AHCYL1: variants seen among roughly 807,000 people sequenced by gnomAD.
AHCYL1 encodes S-adenosylhomocysteine hydrolase-like protein 1.
A neutral mutation model predicts 79.3 loss-of-function variants in AHCYL1; 20 were observed. The observed-to-expected ratio is 0.25, with a 90% CI of 0.18 to 0.37. The LOEUF (loss-of-function observed/expected upper bound fraction) is 0.37, where lower values mean the gene tolerates loss of function less well. Among genes scored for constraint, AHCYL1 ranks in the 10% least tolerant of loss-of-function variants. The pLI is 1.00. For missense variants in AHCYL1, 330 were observed against 673.6 expected, an observed-to-expected ratio of 0.49 and a Z score of 5.65; for synonymous variants, 223 against 242.2, an observed-to-expected ratio of 0.92 and a Z score of 0.74.
At chr1:110,021,262 AAAAC>A (rs1217015426) in intron 16 of AHCYL1, among the ~76,000 whole-genome samples, 1 of 152,132 alleles carries the variant, frequency 6.6e-6, no homozygotes, top group Non-Finnish European at 1.5e-5. Flanking sequence ...AACAAACAAA[AAAAC>A]TGTTCCAGTT....
intron 1 of AHCYL1, 145 bp downstream of exon 1, chr1:109,985,317 C>T (rs1463993436): frequency 7.3e-6 from 10 of 1,366,644 alleles, no homozygotes; most frequent in African/African-American, 1.5e-5. Flanking sequence ...CTGTGCGGCC[C>T]CAGGCCTCTC....
chr1:109,996,475 G>A (rs985588583), intron 1 of AHCYL1, among the ~76,000 whole-genome samples: 1 of 152,240 alleles, frequency 6.6e-6, no homozygotes, highest in Non-Finnish European at 1.5e-5. Flanking sequence ...ACATTCTTGT[G>A]AGGTTATTAT....
intron 4 of AHCYL1, among the ~76,000 whole-genome samples, chr1:110,012,679 A>G (rs1651115262): frequency 6.6e-6 from 1 of 152,146 alleles, no homozygotes; most frequent in Non-Finnish European, 1.5e-5. Context: ...TTGCAAACAT[A>G]TGATTGTTAT....
chr1:109,987,975 A>G (rs1256986419), intron 1 of AHCYL1, among the ~76,000 whole-genome samples: 8 of 152,224 alleles, frequency 5.3e-5, no homozygotes, highest in African/African-American at 1.4e-4. Flanking sequence ...GTATATTTAT[A>G]TTCTTTCTTC....
intron 13 of AHCYL1, 35 bp from the exon 14 acceptor site, chr1:110,019,016 A>G (rs1461316662): frequency 5.6e-6 from 9 of 1,603,258 alleles, no homozygotes; most frequent in Non-Finnish European, 7.7e-6. Context: ...AATCTGAGAC[A>G]GAGCTCATCC....
intron 1 of AHCYL1, among the ~76,000 whole-genome samples, chr1:109,991,059 A>G (rs899107518): frequency 6.6e-6 from 1 of 152,176 alleles, no homozygotes; most frequent in African/African-American, 2.4e-5. Flanking sequence ...AGAGTGGAGC[A>G]TCCATGCCTT....
chr1:110,013,130 C>A, intron 5 of AHCYL1, 131 bp downstream of exon 5: 2 of 593,534 alleles, frequency 3.4e-6, no homozygotes, highest in South Asian at 2.7e-5. Context: ...ATAAAAACCT[C>A]AACAGGAAGA....
chr1:110,011,299 T>C lies in AHCYL1; in HGVS notation c.318T>C (p.Cys106=). The C allele has an allele frequency of 1.2e-6, 2 of 1,613,534 alleles. No homozygotes were observed. The highest frequency in any genetic ancestry group is 1.7e-6 in the Non-Finnish European group (2 of 1,179,832). Residue 106 remains cysteine, a synonymous_variant, in exon 3 of 17, where the codon TGT becomes TGC. Transcript: ENST00000369799. ...QTNSKGSSNF[C]VKNIKQAEFG... ...ACTCCAAGGGCAGCAGCAATTTCTG[T>C]GTGAAGAACATCAAGCAGGCAGAAT...
Position 110,013,739 on chromosome 1 carries a change from A to G in AHCYL1, c.580+740A>G, listed in dbSNP as rs548833093. ...ATTAATAACAATAATAATAATTTTT[A>G]TTATTCAAATATTCAGAAGAAAATC... On this transcript the variant is annotated intron_variant, in intron 5 of 16. Coordinates refer to ENST00000369799, the MANE Select transcript of AHCYL1 (RefSeq NM_006621.7). Among the ~76,000 whole-genome samples, 14 of 152,124 alleles carry G rather than the reference A, an allele frequency of 9.2e-5. No homozygotes were observed. The East Asian group carries it at 1.7e-3, about 19-fold the overall frequency.
intron 16 of AHCYL1, 69 bp downstream of exon 16, chr1:110,020,920 T>C: frequency 2.0e-6 from 3 of 1,531,250 alleles, no homozygotes; most frequent in East Asian, 2.3e-5. Flanking sequence ...AGCCTGCTTC[T>C]GACATAAAGA....
chr1:109,990,930 C>T (rs1291713829), intron 1 of AHCYL1, among the ~76,000 whole-genome samples: 3 of 152,168 alleles, frequency 2.0e-5, no homozygotes, highest in Admixed American at 6.5e-5. Context: ...CCAGCACCCC[C>T]GCCCCCATCC....
intron 1 of AHCYL1, chr1:109,985,510 G>T (rs1282461202): frequency 2.0e-6 from 2 of 1,015,966 alleles, no homozygotes; most frequent in East Asian, 1.9e-4. Flanking sequence ...TGACCAGTCC[G>T]GGGGCATGGG....
intron 1 of AHCYL1, among the ~76,000 whole-genome samples, chr1:109,996,714 G>A (rs1001155125): frequency 6.6e-6 from 1 of 152,052 alleles, no homozygotes; most frequent in Non-Finnish European, 1.5e-5. Context: ...CCACAAACAT[G>A]TGAGTAATGC....
At chr1:110,004,108 A>C in intron 1 of AHCYL1, 2 of 985,454 alleles carry the variant, frequency 2.0e-6, no homozygotes, top group Non-Finnish European at 2.4e-6. Flanking sequence ...GATCTAGTTG[A>C]GTCCTACTTT....
Position 110,022,385 on chromosome 1 carries a change from AAAAAG to A in AHCYL1, c.*715_*719del, listed in dbSNP as rs1304207837. The A allele has an allele frequency of 2.7e-5, 4 of 149,946 alleles. No individual in the cohort carries two copies. The highest frequency in any genetic ancestry group is 5.1e-5 in the African/African-American group (2 of 39,398). The allele number at this position is 149,946 out of a possible 1,614,324, so 9.3% of individuals were successfully genotyped here. On this transcript the variant is annotated 3_prime_UTR_variant, in exon 17 of 17. Transcript: ENST00000369799. ...TTATTTCTGTTGTCCAAAAAAAAAAAAAAAGAAAAGAAAAATTAAGGAGAATTTTT... is the reference window on the plus strand; with the variant it reads ...TTATTTCTGTTGTCCAAAAAAAAAAAAAAAGAAAAATTAAGGAGAATTTTT...
At chr1:110,001,234 G>A (rs1015441456) in intron 1 of AHCYL1, among the ~76,000 whole-genome samples, 6 of 151,262 alleles carry the variant, frequency 4.0e-5, no homozygotes, top group Non-Finnish European at 5.9e-5. Context: ...TTGCCCAGGC[G>A]GGAGTGCAGT....
rs1302738140 is a variant in AHCYL1 at position 110,001,002 on chromosome 1, C to T, written c.121-8032C>T. ...TCCACCCTACTAGTAAGTGGGATTTCAAACTTCCTGTACAATCAACTTTAA... is the reference window on the plus strand; with the variant it reads ...TCCACCCTACTAGTAAGTGGGATTTTAAACTTCCTGTACAATCAACTTTAA... On this transcript the variant is annotated intron_variant, in intron 1 of 16. Coordinates refer to ENST00000369799, the MANE Select transcript of AHCYL1 (RefSeq NM_006621.7). 3 of 972,226 alleles carry T rather than the reference C, an allele frequency of 3.1e-6. No individual in the cohort carries two copies. In the African/African-American group the frequency reaches 5.3e-5, roughly 17 times the overall value. 60.2% of individuals were successfully genotyped at this position (972,226 alleles called of 1,614,324 possible). A position where few individuals can be genotyped will look rare whatever the true frequency, so the allele number is the denominator to read the frequency against.
chr1:110,022,889 G>A lies in AHCYL1; in HGVS notation c.*1209G>A, dbSNP rs1466854164. The A allele has an allele frequency of 6.6e-6, 1 of 152,504 alleles. No homozygotes were observed. The highest frequency in any genetic ancestry group is 1.5e-5 in the Non-Finnish European group (1 of 68,040). 9.4% of individuals were successfully genotyped at this position (152,504 alleles called of 1,614,324 possible). A position where few individuals can be genotyped will look rare whatever the true frequency, so the allele number is the denominator to read the frequency against. Reference sequence around the variant, plus strand: ...TTGCTACATACCACAAAGAGTTTATGAACTGAGATCATAAAGGGCAACTGA... The same window carrying A: ...TTGCTACATACCACAAAGAGTTTATAAACTGAGATCATAAAGGGCAACTGA... On this transcript the variant is annotated 3_prime_UTR_variant, in exon 17 of 17. Coordinates refer to ENST00000369799, the MANE Select transcript of AHCYL1 (RefSeq NM_006621.7).
intron 1 of AHCYL1, among the ~76,000 whole-genome samples, chr1:109,994,819 G>C (rs894528378): frequency 2.6e-5 from 4 of 152,202 alleles, no homozygotes; most frequent in Non-Finnish European, 4.4e-5. Flanking sequence ...TGTCATGCTG[G>C]ACTAGATGAA....
Sources: gnomAD v4.1 joint callset for allele counts (sites outside exome capture counted in the v4.1 genomes callset) on GRCh38, gnomAD v4.1.1 for gene constraint, MANE v1.5 for transcripts, NCBI Gene and HGNC (gene_info 2026-07-23, HGNC 2026-07-21) for gene names.